Variants in CIB4 observed in about 807,000 individuals in gnomAD.
CIB4 encodes the protein calcium and integrin binding family member 4, also known as calcium and integrin-binding family member 4.
A neutral mutation model predicts 25.8 loss-of-function variants in CIB4; 25 were observed. That is an observed-to-expected ratio of 0.97 (90% confidence interval 0.71 to 1.35). CIB4 has a LOEUF of 1.35. Among genes scored for constraint, CIB4 ranks in the 40% most tolerant of loss-of-function variants. The pLI is 0.00. For missense variants in CIB4, 235 were observed against 228.2 expected (o/e 1.03, Z -0.19); for synonymous variants, 75 against 81.4 (o/e 0.92, Z 0.42).
chr2:26,589,113 C>CT (rs1668532382), intron 4 of CIB4, among the ~76,000 whole-genome samples: 1 of 107,854 alleles, frequency 9.3e-6, no homozygotes, highest in African/African-American at 4.7e-5. Context: ...TCTTCCTCTT[C>CT]TTCTTCTTCT....
intron 3 of CIB4, among the ~76,000 whole-genome samples, chr2:26,598,194 A>G (rs984276315): frequency 3.8e-4 from 57 of 151,714 alleles, no homozygotes; most frequent in African/African-American, 1.3e-3. Context: ...CAGCTACTCG[A>G]GAGACTGAGG....
intron 3 of CIB4, among the ~76,000 whole-genome samples, chr2:26,601,231 AAT>A (rs1165155834): frequency 0.013 from 226 of 17,144 alleles, no homozygotes; most frequent in Middle Eastern, 0.079. Context: ...AAAAAAAAAA[AAT>A]ATATATATAT....
intron 3 of CIB4, among the ~76,000 whole-genome samples, chr2:26,625,673 C>G (rs543201759): frequency 6.6e-6 from 1 of 152,234 alleles, no homozygotes; most frequent in Non-Finnish European, 1.5e-5. Flanking sequence ...GCTCCACCCC[C>G]CCACTGCTTC....
chr2:26,589,147 CCCTTCCCCTTCCCCTTCTCCTTCT>C (rs1668536923), intron 4 of CIB4, among the ~76,000 whole-genome samples: 1 of 95,020 alleles, frequency 1.1e-5, no homozygotes, highest in Non-Finnish European at 2.1e-5. Context: ...CTTCTCCTTC[CCCTTCCCCTTCCCCTTCTCCTTCT>C]CCTTCTTCCT....
intron 6 of CIB4, among the ~76,000 whole-genome samples, chr2:26,582,063 A>T (rs1342523363): frequency 6.6e-6 from 1 of 152,214 alleles, no homozygotes; most frequent in East Asian, 1.9e-4. Flanking sequence ...AGACGTTGGC[A>T]CAGAGGGACC....
chr2:26,615,260 A>T (rs1662974), intron 3 of CIB4, among the ~76,000 whole-genome samples: 103,222 of 152,084 alleles, frequency 0.68, 35,271 homozygotes, highest in African/African-American at 0.75. Context: ...ATGCCTCTCC[A>T]TCCCCTGCCC....
chr2:26,599,125 A>AGGAG (rs1668736231), intron 3 of CIB4, among the ~76,000 whole-genome samples: 1 of 152,196 alleles, frequency 6.6e-6, no homozygotes, highest in Non-Finnish European at 1.5e-5. Flanking sequence ...AATCCTCCAG[A>AGGAG]GGAGGAAGGA....
chr2:26,615,279 C>T lies in CIB4; in HGVS notation c.186+14131G>A, dbSNP rs111725210. On this transcript the variant is annotated intron_variant, in intron 3 of 6. Coordinates refer to ENST00000288861, the MANE Select transcript of CIB4 (RefSeq NM_001029881.3). Reference sequence around the variant, plus strand: ...CTCTCCATCCCCTGCCCCCAGACAGCATGAAACAGGAGTCGAACAAACTGC... The same window carrying T: ...CTCTCCATCCCCTGCCCCCAGACAGTATGAAACAGGAGTCGAACAAACTGC... Among the ~76,000 whole-genome samples the T allele has an allele frequency of 6.6e-4, 100 of 152,324 alleles. 1 individual carries two copies. Among genetic ancestry groups the T allele is most frequent in the African/African-American group, 2.3e-3 (95 of 41,572 alleles).
intron 2 of CIB4, among the ~76,000 whole-genome samples, chr2:26,637,207 G>A (rs1256408509): frequency 1.3e-5 from 2 of 152,134 alleles, no homozygotes; most frequent in Non-Finnish European, 2.9e-5. Context: ...CTTTCAATCT[G>A]CCTTTCTGTT....
intron 4 of CIB4, among the ~76,000 whole-genome samples, chr2:26,593,187 C>T (rs190234772): frequency 3.3e-5 from 5 of 152,242 alleles, no homozygotes; most frequent in East Asian, 1.9e-4. Context: ...ATTATGCTAC[C>T]GCCTTTCCTA....
chr2:26,624,425 C>T (rs1041467657), intron 3 of CIB4, among the ~76,000 whole-genome samples: 5 of 152,158 alleles, frequency 3.3e-5, no homozygotes, highest in African/African-American at 1.2e-4. Flanking sequence ...ATCTTTAGTC[C>T]TCGCTCTAGG....
At chr2:26,591,840 G>A (rs963917709) in intron 4 of CIB4, among the ~76,000 whole-genome samples, 2 of 152,244 alleles carry the variant, frequency 1.3e-5, no homozygotes, top group African/African-American at 4.8e-5. Context: ...GCCTCCGGCT[G>A]AGAGCCGGCA....
rs199690949 is a variant in CIB4 at position 26,583,796 on chromosome 2, G to T, written c.431C>A (p.Thr144Lys). Residue 144 changes from threonine (T) to lysine (K), a missense_variant, in exon 5 of 7, where the codon ACG (threonine) becomes AAG (lysine). Thr to Lys is a moderately conservative substitution (Grantham distance 78, BLOSUM62 -1). Coordinates refer to ENST00000288861, the MANE Select transcript of CIB4 (RefSeq NM_001029881.3). Reference sequence around the variant, plus strand: ...CCAGCCCCCAGCACACACGTGGTTCGTGAGGTCCATCAGGAGGTCCTCAGA... The same window carrying T: ...CCAGCCCCCAGCACACACGTGGTTCTTGAGGTCCATCAGGAGGTCCTCAGA... Reference protein sequence around the residue: ...DMSEDLLMDLTNHVLSESDLD... With the variant: ...DMSEDLLMDLKNHVLSESDLD... The T allele has an allele frequency of 3.1e-5, 49 of 1,600,464 alleles. No individual in the cohort carries two copies. The Admixed American group carries it at 5.2e-4, about 17-fold the overall frequency.
chr2:26,630,271 A>G (rs568992207), intron 2 of CIB4, among the ~76,000 whole-genome samples: 15 of 152,176 alleles, frequency 9.9e-5, no homozygotes, highest in Admixed American at 2.0e-4. Context: ...CCCTATCCTG[A>G]ACCTGGGTCC....
chr2:26,588,994 TTC>T lies in CIB4; in HGVS notation c.329-5098_329-5097del, dbSNP rs1558554537. ...CGCTTCTTCTTTCTTCTTCTTCTTC[TTC>T]TTCTTCTTCTTCTTCTTCTTCTTCT... On this transcript the variant is annotated intron_variant, in intron 4 of 6. Coordinates refer to ENST00000288861, the MANE Select transcript of CIB4 (RefSeq NM_001029881.3). 7.4e-3 allele frequency among the ~76,000 whole-genome samples: 61 copies of T among 8,228 alleles called. 6 individuals carry two copies. The highest frequency in any genetic ancestry group is 0.021 in the African/African-American group (59 of 2,806). 5.4% of individuals were successfully genotyped at this position (8,228 alleles called of 152,430 possible).
intron 3 of CIB4, among the ~76,000 whole-genome samples, chr2:26,610,520 T>C (rs1375807358): frequency 6.6e-6 from 1 of 152,224 alleles, no homozygotes; most frequent in Non-Finnish European, 1.5e-5. Flanking sequence ...CTCTCTCCTG[T>C]ATCCTGGGGA....
At chr2:26,583,974 G>T (rs939396795) in intron 4 of CIB4, 76 bp from the exon 5 acceptor site, 1 of 924,700 alleles carries the variant, frequency 1.1e-6, no homozygotes, top group East Asian at 2.4e-5. Context: ...AGTCCTGGGG[G>T]ACACAGCACC....
At chr2:26,623,614 A>G (rs1207348147) in intron 3 of CIB4, 2 of 469,828 alleles carry the variant, frequency 4.3e-6, no homozygotes, top group Non-Finnish European at 8.8e-6. Context: ...ATACCTCCCT[A>G]CACCTTGGGC....
intron 2 of CIB4, among the ~76,000 whole-genome samples, chr2:26,636,265 C>T (rs1430944342): frequency 6.6e-6 from 1 of 152,098 alleles, no homozygotes; most frequent in East Asian, 1.9e-4. Context: ...TCAAACATTG[C>T]TCAAGCTGAG....
Sources: allele counts gnomAD v4.1 joint callset (sites outside exome capture counted in the v4.1 genomes callset), GRCh38; gene constraint gnomAD v4.1.1; transcripts MANE v1.5; gene names NCBI Gene and HGNC (gene_info 2026-07-23, HGNC 2026-07-21).